The following NKAIN2 variants were observed in gnomAD, a reference collection of about 807,000 sequenced individuals.
The protein encoded by NKAIN2 is sodium/potassium transporting ATPase interacting 2.
NKAIN2 carries 14 observed loss-of-function variants against 32.6 expected under a neutral mutation model. The ratio of observed to expected loss-of-function variants is 0.43; its 90% CI spans 0.28 to 0.67. The LOEUF is 0.67. Among genes scored for constraint, NKAIN2 ranks in the 30% least tolerant of loss-of-function variants. The pLI is 0.17. For missense variants in NKAIN2, 198 were observed against 258.3 expected (o/e 0.77, Z 1.60); for synonymous variants, 80 against 87.2 (o/e 0.92, Z 0.46).
chr6:124,266,623 G>C (rs1480164106), intron 1 of NKAIN2, among the ~76,000 whole-genome samples: 1 of 152,132 alleles, frequency 6.6e-6, no homozygotes, highest in Non-Finnish European at 1.5e-5. Context: ...TACTTGGCTA[G>C]CCTCTCCCTA....
At chr6:124,457,776 G>T (rs1776379592) in intron 3 of NKAIN2, among the ~76,000 whole-genome samples, 1 of 151,886 alleles carries the variant, frequency 6.6e-6, no homozygotes, top group South Asian at 2.1e-4. Flanking sequence ...ATTGCCAGGT[G>T]CCAAGATGCT....
At chr6:123,953,130 C>T (rs1582833797) in intron 1 of NKAIN2, among the ~76,000 whole-genome samples, 1 of 152,094 alleles carries the variant, frequency 6.6e-6, no homozygotes, top group Non-Finnish European at 1.5e-5. Context: ...TCTTATCATT[C>T]CTTTGGTTGT....
At chr6:124,412,269 T>C (rs369413493) in intron 3 of NKAIN2, among the ~76,000 whole-genome samples, 3 of 152,204 alleles carry the variant, frequency 2.0e-5, no homozygotes, top group South Asian at 4.1e-4. Flanking sequence ...TTAGAGTTTC[T>C]GGTTTTTCTG....
chr6:124,007,455 T>G (rs1045106966), intron 1 of NKAIN2, among the ~76,000 whole-genome samples: 1 of 152,178 alleles, frequency 6.6e-6, no homozygotes, highest in Non-Finnish European at 1.5e-5. Flanking sequence ...ATGAATATTT[T>G]TGTCAAGTCA....
intron 4 of NKAIN2, among the ~76,000 whole-genome samples, chr6:124,693,230 T>C (rs1774344207): frequency 6.6e-6 from 1 of 152,204 alleles, no homozygotes; most frequent in South Asian, 2.1e-4. Context: ...CTGTATGTTT[T>C]CTAGGTTTAG....
intron 1 of NKAIN2, among the ~76,000 whole-genome samples, chr6:124,195,507 A>G (rs1790271904): frequency 6.6e-6 from 1 of 152,050 alleles, no homozygotes; most frequent in South Asian, 2.1e-4. Context: ...ATTCATATAT[A>G]TTTTTTGAAA....
chr6:124,716,202 G>A (rs1775744655), intron 4 of NKAIN2, among the ~76,000 whole-genome samples: 1 of 152,188 alleles, frequency 6.6e-6, no homozygotes, highest in Non-Finnish European at 1.5e-5. Context: ...GTAATTTTTA[G>A]ATAATAGACA....
intron 1 of NKAIN2, among the ~76,000 whole-genome samples, chr6:124,238,002 C>T (rs1032263754): frequency 2.6e-5 from 4 of 152,018 alleles, no homozygotes; most frequent in Admixed American, 2.0e-4. Context: ...AGAACTAACA[C>T]GATGCAGAGA....
At chr6:124,228,604 T>G (rs1792246935) in intron 1 of NKAIN2, among the ~76,000 whole-genome samples, 1 of 152,100 alleles carries the variant, frequency 6.6e-6, no homozygotes, top group Admixed American at 6.6e-5. Flanking sequence ...AAATATATAT[T>G]AAACTAACCA....
chr6:124,047,664 C>T (rs1036900136), intron 1 of NKAIN2, among the ~76,000 whole-genome samples: 2 of 152,078 alleles, frequency 1.3e-5, no homozygotes, highest in African/African-American at 2.4e-5. Flanking sequence ...TCAGCTCTGG[C>T]ACCCAGGATA....
At chr6:124,246,140 T>A (rs1353322344) in intron 1 of NKAIN2, among the ~76,000 whole-genome samples, 1 of 152,106 alleles carries the variant, frequency 6.6e-6, no homozygotes, top group Non-Finnish European at 1.5e-5. Context: ...TCTGTTATTA[T>A]TGCAGCTAAG....
intron 3 of NKAIN2, among the ~76,000 whole-genome samples, chr6:124,437,145 G>A (rs1309280269): frequency 1.1e-4 from 16 of 152,150 alleles, no homozygotes; most frequent in Admixed American, 1.0e-3. Context: ...CAGTCCAGGT[G>A]GCTCTGCTGT....
At chr6:124,680,573 G>A (rs1773571175) in intron 4 of NKAIN2, among the ~76,000 whole-genome samples, 1 of 151,986 alleles carries the variant, frequency 6.6e-6, no homozygotes, top group Admixed American at 6.6e-5. Context: ...GTGGTATTTG[G>A]CTATCAGGTG....
intron 1 of NKAIN2, among the ~76,000 whole-genome samples, chr6:124,133,302 A>G (rs1786571013): frequency 6.6e-6 from 1 of 152,196 alleles, no homozygotes; most frequent in Non-Finnish European, 1.5e-5. Context: ...AGATGAAAAG[A>G]GGTGCCTGTC....
intron 3 of NKAIN2, among the ~76,000 whole-genome samples, chr6:124,581,155 T>C (rs765537640): frequency 3.3e-5 from 5 of 152,060 alleles, no homozygotes; most frequent in Admixed American, 6.5e-5. Context: ...TAAAGAAACA[T>C]TGGGCCGGGC....
chr6:124,504,754 G>GTT lies in NKAIN2; in HGVS notation c.273+149409_273+149410dup, dbSNP rs534102112. 3.9e-5 allele frequency among the ~76,000 whole-genome samples: 6 copies of GTT among 152,288 alleles called. No individual in the cohort carries two copies. In the South Asian group the frequency reaches 1.2e-3, roughly 32 times the overall value. On this transcript the variant is annotated intron_variant, in intron 3 of 6. Transcript: ENST00000368417. ...GTATGTATTAGATCTTTTATACTGG[G>GTT]TTTACACTCAGAAAAGTTTGAAAGC...
At chr6:124,060,920 G>A (rs913445408) in intron 1 of NKAIN2, among the ~76,000 whole-genome samples, 2 of 151,924 alleles carry the variant, frequency 1.3e-5, no homozygotes, top group African/African-American at 4.8e-5. Context: ...ACTACAATAC[G>A]AGAAAAAATG....
intron 5 of NKAIN2, among the ~76,000 whole-genome samples, chr6:124,803,380 G>A (rs1780354830): frequency 6.6e-6 from 1 of 152,144 alleles, no homozygotes; most frequent in Non-Finnish European, 1.5e-5. Flanking sequence ...CCAGGACACT[G>A]AGCTCTCACT....
chr6:124,340,258 ATT>A (rs981803973), intron 2 of NKAIN2, among the ~76,000 whole-genome samples: 37 of 152,192 alleles, frequency 2.4e-4, no homozygotes, highest in African/African-American at 8.9e-4. Flanking sequence ...ATTATTCATC[ATT>A]TTGAGATCTA....
Sources: gnomAD v4.1 joint callset for allele counts (sites outside exome capture counted in the v4.1 genomes callset) on GRCh38, gnomAD v4.1.1 for gene constraint, MANE v1.5 for transcripts, NCBI Gene and HGNC (gene_info 2026-07-23, HGNC 2026-07-21) for gene names.